Variants in HMOX1 observed in about 807,000 individuals in gnomAD.
The protein encoded by HMOX1 is heme oxygenase 1.
HMOX1 carries 22 observed loss-of-function variants against 27.8 expected under a neutral mutation model. The observed-to-expected ratio is 0.79, with a 90% CI of 0.57 to 1.13. The LOEUF (loss-of-function observed/expected upper bound fraction) is 1.13. Among genes scored for constraint, HMOX1 ranks in the 50% most tolerant of loss-of-function variants. The pLI is 0.00. For synonymous variants in HMOX1, 153 were observed against 151.6 expected (o/e 1.01, Z -0.07); for missense variants, 379 against 377.7 (o/e 1.00, Z -0.03).
At chr22:35,392,654 G>A (rs1037400275) in intron 4 of HMOX1, among the ~76,000 whole-genome samples, 5 of 152,024 alleles carry the variant, frequency 3.3e-5, no homozygotes, top group African/African-American at 1.2e-4. Flanking sequence ...CTCTGTGCCT[G>A]AGGAGGCAGG....
At chr22:35,390,095 C>T (rs946508652) in intron 4 of HMOX1, 132 bp downstream of exon 4, 34 of 724,684 alleles carry the variant, frequency 4.7e-5, no homozygotes, top group African/African-American at 3.5e-5. Flanking sequence ...GCTGCCCCAC[C>T]CCACTGCCCC....
intron 2 of HMOX1, among the ~76,000 whole-genome samples, 171 bp from the exon 3 acceptor site, chr22:35,386,514 A>G (rs1286632901): frequency 6.6e-6 from 1 of 152,242 alleles, no homozygotes; most frequent in Non-Finnish European, 1.5e-5. Flanking sequence ...TTCCTCTTGT[A>G]AAAACCCCTC....
chr22:35,391,718 T>C (rs900151174), intron 4 of HMOX1, among the ~76,000 whole-genome samples: 3 of 149,840 alleles, frequency 2.0e-5, no homozygotes, highest in African/African-American at 7.4e-5. Flanking sequence ...CTCAGCCTCC[T>C]GAGTAACTGG....
intron 2 of HMOX1, among the ~76,000 whole-genome samples, chr22:35,385,550 C>T (rs1162302518): frequency 6.6e-6 from 1 of 151,444 alleles, no homozygotes; most frequent in African/African-American, 2.4e-5. Context: ...AGTGATACCC[C>T]TGCCTCCGCC....
rs752567233 is a variant in HMOX1, at chr22:35,386,753, C to T, written c.213C>T (p.Ser71=). 7 of 1,614,174 alleles carry T rather than the reference C, an allele frequency of 4.3e-6. No individual in the cohort carries two copies. The highest frequency in any genetic ancestry group is 5.9e-6 in the Non-Finnish European group (7 of 1,180,008). The change falls in exon 3 of 5, where the codon AGC becomes AGT. Residue 71 remains serine (S), a synonymous_variant. Transcript: ENST00000216117. ...AGGAGATTGAGCGCAACAAGGAGAGCCCAGTCTTCGCCCCTGTCTACTTCC... is the reference window on the plus strand; with the variant it reads ...AGGAGATTGAGCGCAACAAGGAGAGTCCAGTCTTCGCCCCTGTCTACTTCC... ...LEEEIERNKE[S]PVFAPVYFPE...
chr22:35,389,797 C>G, intron 3 of HMOX1, 67 bp from the exon 4 acceptor site: 1 of 1,087,462 alleles, frequency 9.2e-7, no homozygotes. Context: ...AACTTAAGGT[C>G]CTACCTTCAG....
intron 2 of HMOX1, among the ~76,000 whole-genome samples, chr22:35,386,307 A>G (rs565514838): frequency 2.0e-5 from 3 of 150,484 alleles, no homozygotes; most frequent in South Asian, 4.2e-4. Flanking sequence ...GTTTTGGGCT[A>G]TGTTGCCCAG....
rs552652411 is a variant in HMOX1, at chr22:35,387,054, A to G, written c.514A>G (p.Ile172Val). 4 of 1,613,470 alleles carry G rather than the reference A, an allele frequency of 2.5e-6. No homozygotes were observed. The highest frequency in any genetic ancestry group is 2.7e-5 in the African/African-American group (2 of 74,920). Residue 172 changes from isoleucine to valine, a missense_variant, in exon 3 of 5, where the codon ATT (isoleucine) becomes GTT (valine). Transcript: ENST00000216117. ...EGLAFFTFPN[I>V]ASATKFKQLY... is the part of the protein sequence containing the mutation. Reference sequence around the variant, plus strand: ...CCTGGCCTTCTTCACCTTCCCCAACATTGCCAGTGCCACCAAGTTCAAGCA... The same window carrying G: ...CCTGGCCTTCTTCACCTTCCCCAACGTTGCCAGTGCCACCAAGTTCAAGCA...
At chr22:35,391,862 C>G (rs1931733528) in intron 4 of HMOX1, among the ~76,000 whole-genome samples, 1 of 151,426 alleles carries the variant, frequency 6.6e-6, no homozygotes, top group East Asian at 1.9e-4. Context: ...GGTTATGTGA[C>G]ATGTGATGCT....
At chr22:35,381,923 T>C (rs1028928279) in intron 1 of HMOX1, among the ~76,000 whole-genome samples, 6 of 152,038 alleles carry the variant, frequency 3.9e-5, no homozygotes, top group African/African-American at 1.4e-4. Context: ...AAAATGACAA[T>C]TCTGTGGGGA....
At chr22:35,388,296 GA>G (rs376275671) in intron 3 of HMOX1, among the ~76,000 whole-genome samples, 5 of 151,316 alleles carry the variant, frequency 3.3e-5, no homozygotes, top group African/African-American at 1.2e-4. Context: ...ACAAAAACAT[GA>G]AAAAATTAGC....
At chr22:35,386,592 G>A (rs1931508170) in intron 2 of HMOX1, 93 bp from the exon 3 acceptor site, 2 of 1,527,332 alleles carry the variant, frequency 1.3e-6, no homozygotes, top group Non-Finnish European at 9.0e-7. Flanking sequence ...TGCGAAGTGA[G>A]GAGGGCCTTT....
chr22:35,383,941 C>T (rs558128726), intron 2 of HMOX1, among the ~76,000 whole-genome samples: 1 of 151,794 alleles, frequency 6.6e-6, no homozygotes, highest in African/African-American at 2.4e-5. Context: ...GTTAAAACAT[C>T]AGCGTGGGGA....
At chr22:35,389,578 G>A (rs953585713) in intron 3 of HMOX1, among the ~76,000 whole-genome samples, 3 of 151,354 alleles carry the variant, frequency 2.0e-5, no homozygotes, top group African/African-American at 7.3e-5. Flanking sequence ...GAGTAGCTGG[G>A]ATTACAGGCA....
chr22:35,387,040 T>C lies in HMOX1; in HGVS notation c.500T>C (p.Phe167Ser), dbSNP rs1446252924. The C allele has an allele frequency of 1.9e-5, 30 of 1,613,706 alleles. No homozygotes were observed. Among genetic ancestry groups the C allele is most frequent in the Non-Finnish European group, 2.5e-5 (29 of 1,180,036 alleles). Residue 167 changes from phenylalanine (F) to serine (S), a missense_variant, in exon 3 of 5, where the codon TTC becomes TCC. Phe to Ser is a radical substitution (Grantham distance 155). Coordinates refer to ENST00000216117, the MANE Select transcript of HMOX1 (RefSeq NM_002133.3). ...AGCTCTGGCGAGGGCCTGGCCTTCT[T>C]CACCTTCCCCAACATTGCCAGTGCC... ...LPSSGEGLAF[F>S]TFPNIASATK...
intron 4 of HMOX1, 186 bp downstream of exon 4, chr22:35,390,149 C>T: frequency 1.6e-6 from 1 of 633,084 alleles, no homozygotes; most frequent in Non-Finnish European, 2.9e-6. Flanking sequence ...CAGTCTTGAA[C>T]ACCTGACTTC....
intron 4 of HMOX1, 31 bp from the exon 5 acceptor site, chr22:35,393,437 G>A: frequency 6.2e-7 from 1 of 1,613,976 alleles, no homozygotes. Context: ...ACGCCCACCT[G>A]TTAATGACCT....
intron 2 of HMOX1, among the ~76,000 whole-genome samples, chr22:35,384,256 A>T (rs1931455296): frequency 6.6e-6 from 1 of 151,502 alleles, no homozygotes; most frequent in African/African-American, 2.4e-5. Flanking sequence ...CAATTTTTGT[A>T]TTTTTTTAGT....
At chr22:35,392,944 C>T (rs904744790) in intron 4 of HMOX1, among the ~76,000 whole-genome samples, 4 of 152,122 alleles carry the variant, frequency 2.6e-5, no homozygotes, top group African/African-American at 9.7e-5. Context: ...TCTTGAACTC[C>T]TGACCTCGTG....
Sources: allele counts gnomAD v4.1 joint callset (sites outside exome capture counted in the v4.1 genomes callset), GRCh38; gene constraint gnomAD v4.1.1; transcripts MANE v1.5; gene names NCBI Gene and HGNC (gene_info 2026-07-23, HGNC 2026-07-21).